Variants in GNPTAB observed in about 807,000 individuals in gnomAD.
GNPTAB encodes N-acetylglucosamine-1-phosphotransferase subunits alpha/beta.
In GNPTAB, 92 loss-of-function variants were observed where a neutral mutation model predicts 136.6. That is an observed-to-expected ratio of 0.67 (90% CI 0.57 to 0.80). The LOEUF (loss-of-function observed/expected upper bound fraction) is 0.80, where lower values mean the gene tolerates loss of function less well. Ranked by LOEUF, GNPTAB falls within the 30% of genes least tolerant of loss-of-function variation. The pLI, the probability that GNPTAB is intolerant of heterozygous loss-of-function variation, is 0.00. For synonymous variants in GNPTAB, 512 were observed against 535.1 expected (o/e 0.96, Z 0.60); for missense variants, 1,343 against 1,501.8 (o/e 0.89, Z 1.75).
chr12:101,751,742 G>A (rs938436959), intron 19 of GNPTAB, among the ~76,000 whole-genome samples: 1 of 152,180 alleles, frequency 6.6e-6, no homozygotes, highest in African/African-American at 2.4e-5. Flanking sequence ...GCCCAGTACA[G>A]TGTTTGGCGT....
intron 1 of GNPTAB, among the ~76,000 whole-genome samples, chr12:101,801,106 A>ACC (rs961303806): frequency 6.6e-6 from 1 of 151,402 alleles, no homozygotes; most frequent in Non-Finnish European, 1.5e-5. Flanking sequence ...GGTGGCACAC[A>ACC]CCTGTAGACC....
chr12:101,747,350 ATACAT>A, intron 20 of GNPTAB, 109 bp from the exon 21 acceptor site: 1 of 694,044 alleles, frequency 1.4e-6, no homozygotes, highest in Non-Finnish European at 2.6e-6. Flanking sequence ...CCACAATCTT[ATACAT>A]TAAAAAGACA....
At chr12:101,828,159 T>C (rs1403041473) in intron 1 of GNPTAB, among the ~76,000 whole-genome samples, 1 of 152,208 alleles carries the variant, frequency 6.6e-6, no homozygotes, top group Admixed American at 6.5e-5. Flanking sequence ...ATAGCAGCAG[T>C]AGCCATGACC....
At chr12:101,800,211 G>T (rs1594245709) in intron 1 of GNPTAB, among the ~76,000 whole-genome samples, 1 of 152,100 alleles carries the variant, frequency 6.6e-6, no homozygotes. Context: ...TTGGCCAGGT[G>T]TGGTGGCTCA....
chr12:101,818,700 G>A lies in GNPTAB; in HGVS notation c.117+11859C>T, dbSNP rs1211311582. 2.0e-5 allele frequency among the ~76,000 whole-genome samples: 3 copies of A among 152,056 alleles called. No individual in the cohort carries two copies. In the East Asian group the frequency reaches 5.8e-4, roughly 29 times the overall value. On this transcript the variant is annotated intron_variant, in intron 1 of 20. Transcript: ENST00000299314. ...CCCTTTGTGTCTTTAGTCAACAGTA[G>A]ACAACCTGGCTAATATAGTTTGCCT...
At position 101,753,504 on chromosome 12, in the gene GNPTAB, T is replaced by A. The variant is rs144851964; in HGVS notation, c.3470A>T (p.Asn1157Ile). The change falls in exon 19 of 21, where the codon AAT becomes ATT. Residue 1157 changes from asparagine to isoleucine, a missense_variant. By Grantham distance (149) the Asn-to-Ile change is moderately radical (BLOSUM62 -3). Coordinates refer to ENST00000299314, the MANE Select transcript of GNPTAB (RefSeq NM_024312.5). ...FVCLNDNIDH[N>I]HKDAQTVKAV... ...CTTCACTGTCTGAGCATCTTTATGA[T>A]TGTGGTCAATGTTGTCATTCAGGCA... 1.9e-6 allele frequency: 3 copies of A among 1,614,024 alleles called. No homozygotes were observed. The highest frequency in any genetic ancestry group is 2.5e-6 in the Non-Finnish European group (3 of 1,179,918).
intron 1 of GNPTAB, among the ~76,000 whole-genome samples, chr12:101,812,871 C>A (rs1404934810): frequency 6.6e-6 from 1 of 152,154 alleles, no homozygotes; most frequent in African/African-American, 2.4e-5. Flanking sequence ...GTAGCACAAT[C>A]TTGGCTTACT....
intron 1 of GNPTAB, among the ~76,000 whole-genome samples, chr12:101,808,063 T>A (rs1382714986): frequency 1.8e-4 from 28 of 152,276 alleles, no homozygotes; most frequent in Admixed American, 9.2e-4. Flanking sequence ...AAAATATGTA[T>A]GAATATGTAT....
intron 1 of GNPTAB, among the ~76,000 whole-genome samples, chr12:101,807,549 ACTGT>A (rs1198192099): frequency 1.3e-5 from 2 of 152,228 alleles, no homozygotes; most frequent in Non-Finnish European, 2.9e-5. Context: ...CGATGACATG[ACTGT>A]CTATGTAGAA....
At position 101,794,031 on chromosome 12, in the gene GNPTAB, C is replaced by T. The variant is rs535286481; in HGVS notation, c.203+2646G>A. Among the ~76,000 whole-genome samples the T allele has an allele frequency of 1.1e-4, 16 of 152,114 alleles. No individual in the cohort carries two copies. In the South Asian group the frequency reaches 2.3e-3, roughly 22 times the overall value. On this transcript the variant is annotated intron_variant, in intron 2 of 20. Transcript: ENST00000299314. ...CTAATTTTTGTATTTTTGGTAGAGA[C>T]GGGGTTTCACTATGTTGGCCAGGCT...
chr12:101,780,250 G>T lies in GNPTAB; in HGVS notation c.673C>A (p.Gln225Lys), dbSNP rs751461388. The T allele has an allele frequency of 6.2e-7, 1 of 1,613,592 alleles. No homozygotes were observed. Among genetic ancestry groups the T allele is most frequent in the East Asian group, 2.2e-5 (1 of 44,864 alleles). ...AATCCACTCAGGAAAGCCAAATCTT[G>T]CATTAGCACTAATCCAGGGACTTCT... Reference protein sequence around the residue: ...DKEVPGLVLMQDLAFLSGFPP... With the variant: ...DKEVPGLVLMKDLAFLSGFPP... Residue 225 changes from glutamine (Q) to lysine (K), a missense_variant, in exon 7 of 21, where the codon CAA becomes AAA. Gln to Lys is a moderately conservative substitution (Grantham distance 53, BLOSUM62 1). Coordinates refer to ENST00000299314, the MANE Select transcript of GNPTAB (RefSeq NM_024312.5).
At chr12:101,798,132 A>C (rs1869405558) in intron 1 of GNPTAB, among the ~76,000 whole-genome samples, 2 of 152,146 alleles carry the variant, frequency 1.3e-5, no homozygotes. Flanking sequence ...CAAGGCCCCC[A>C]CATTGTCAAA....
At chr12:101,778,444 T>C (rs1473007574) in intron 7 of GNPTAB, 1 of 152,196 alleles carries the variant, frequency 6.6e-6, no homozygotes, top group Non-Finnish European at 1.5e-5. Flanking sequence ...AGAAGTCAAA[T>C]AAACATTGGC....
chr12:101,777,322 G>A (rs1953275357), intron 7 of GNPTAB, among the ~76,000 whole-genome samples: 1 of 152,140 alleles, frequency 6.6e-6, no homozygotes, highest in Admixed American at 6.6e-5. Flanking sequence ...AGATCAGACT[G>A]TGTCCTTCCA....
At chr12:101,787,312 T>C (rs1403029764) in intron 4 of GNPTAB, among the ~76,000 whole-genome samples, 1 of 152,168 alleles carries the variant, frequency 6.6e-6, no homozygotes, top group Non-Finnish European at 1.5e-5. Context: ...CTGAAAGATA[T>C]GAAGCATGAA....
rs1566067234 is a variant in GNPTAB at position 101,753,387 on chromosome 12, T to C, written c.3587A>G (p.His1196Arg). Reference sequence around the variant, plus strand: ...GAGAATTTACCATTCCTGCAGCTCATGCATATGAAGGAAACGGTTTCGATA... The same window carrying C: ...GAGAATTTACCATTCCTGCAGCTCACGCATATGAAGGAAACGGTTTCGATA... The part of the protein sequence containing the change: ...REYRNRFLHM[H>R]ELQEWRAYRD... The change falls in exon 19 of 21, where the codon CAT becomes CGT. Residue 1196 changes from histidine (H) to arginine (R), a missense_variant. Transcript: ENST00000299314. 9 of 1,613,800 alleles carry C rather than the reference T, an allele frequency of 5.6e-6. No homozygotes were observed. The Middle Eastern group carries it at 5.0e-4, about 89-fold the overall frequency.
intron 7 of GNPTAB, among the ~76,000 whole-genome samples, chr12:101,774,557 T>G (rs1046026211): frequency 6.6e-6 from 1 of 152,132 alleles, no homozygotes; most frequent in African/African-American, 2.4e-5. Flanking sequence ...ATCCCAGGAG[T>G]ATTAAATTCA....
chr12:101,823,609 C>CAAAA (rs5800490), intron 1 of GNPTAB, among the ~76,000 whole-genome samples: 163 of 91,200 alleles, frequency 1.8e-3, no homozygotes, highest in Middle Eastern at 6.3e-3. Flanking sequence ...GACTCCGTCT[C>CAAAA]AAAAAAAAAA....
intron 7 of GNPTAB, among the ~76,000 whole-genome samples, chr12:101,771,906 A>G (rs1405678234): frequency 6.6e-6 from 1 of 152,242 alleles, no homozygotes; most frequent in African/African-American, 2.4e-5. Flanking sequence ...AAAAATCTGC[A>G]ATGTAATTAA....
Sources: gnomAD v4.1 joint callset for allele counts (sites outside exome capture counted in the v4.1 genomes callset) on GRCh38, gnomAD v4.1.1 for gene constraint, MANE v1.5 for transcripts, NCBI Gene and HGNC (gene_info 2026-07-23, HGNC 2026-07-21) for gene names.